The following GSDMB variants were observed in gnomAD, a reference collection of about 807,000 sequenced individuals.
GSDMB encodes the protein gasdermin B.
Under a neutral mutation model 42.9 loss-of-function variants are expected in GSDMB, and 32 were observed. The ratio of observed to expected loss-of-function variants is 0.75; its 90% confidence interval spans 0.56 to 1.00. The LOEUF is 1.00. GSDMB is among the 50% of genes least tolerant of loss of function. The pLI, the probability that GSDMB is intolerant of heterozygous loss-of-function variation, is 0.00. For missense variants in GSDMB, 468 were observed against 498.5 expected, an observed-to-expected ratio of 0.94 and a Z score of 0.58; for synonymous variants, 175 against 193.7, an observed-to-expected ratio of 0.90 and a Z score of 0.80.
At position 39,905,920 on chromosome 17, in the gene GSDMB, G is replaced by T; in HGVS notation, c.954C>A (p.Ser318Arg). The change falls in exon 9 of 11, where the codon AGC becomes AGA. Residue 318 changes from serine (S) to arginine (R), a missense_variant. Ser to Arg is a moderately radical substitution (Grantham distance 110). Transcript: ENST00000418519. ...CCAAGACCCCAGCAGCATTAAAAAG[G>T]CTGCTTAGGAGAGGCTTGTCTGGGT... The part of the protein sequence containing the change: ...MEDPDKPLLS[S>R]LFNAAGVLVE... The T allele has an allele frequency of 6.2e-7, 1 of 1,614,080 alleles. No individual in the cohort carries two copies. Among genetic ancestry groups the T allele is most frequent in the Non-Finnish European group, 8.5e-7 (1 of 1,179,982 alleles).
At chr17:39,917,053 TG>T in intron 2 of GSDMB, 28 bp downstream of exon 2, 1 of 1,479,036 alleles carries the variant, frequency 6.8e-7, no homozygotes, top group Non-Finnish European at 9.5e-7. Context: ...GCCTCCTGGC[TG>T]GCCACCTGTC....
Position 39,909,019 on chromosome 17 carries a change from G to A in GSDMB, c.600C>T (p.Pro200=), listed in dbSNP as rs748229403. ...KHKGQREVTI[P]PNRVLSYRVK... ...CTCGATAGCTCAGGACCCGATTTGG[G>A]GGGATGGTCACTTCCCTTTGGCCCT... The change falls in exon 5 of 11, where the codon CCC becomes CCT. Residue 200 remains proline (P), a synonymous_variant. Transcript: ENST00000418519. The A allele has an allele frequency of 1.2e-6, 2 of 1,601,756 alleles. No homozygotes were observed. Among genetic ancestry groups the A allele is most frequent in the Admixed American group, 1.7e-5 (1 of 57,896 alleles).
chr17:39,910,490 G>A (rs539871089), intron 3 of GSDMB, among the ~76,000 whole-genome samples: 3 of 152,304 alleles, frequency 2.0e-5, no homozygotes, highest in Admixed American at 1.3e-4. Flanking sequence ...TTAGTGACAG[G>A]TTGTGAGTGG....
chr17:39,905,732 GC>G lies in GSDMB; in HGVS notation c.1027+114del, dbSNP rs1210745397. Reference sequence around the variant, plus strand: ...TGGCCTGAGGAAGACATGAAGGAGTGCCCCCCATAAACTGTGAAGAGCAACA... The same window carrying G: ...TGGCCTGAGGAAGACATGAAGGAGTGCCCCCATAAACTGTGAAGAGCAACA... On this transcript the variant is annotated intron_variant, in intron 9 of 10. Transcript: ENST00000418519. The G allele has an allele frequency of 5.1e-6, 6 of 1,184,584 alleles. No individual in the cohort carries two copies. The East Asian group carries it at 7.0e-5, about 14-fold the overall frequency. The allele number at this position is 1,184,584 out of a possible 1,614,324, so 73.4% of individuals were successfully genotyped here. A position where few individuals can be genotyped will look rare whatever the true frequency, so the allele number is the denominator to read the frequency against.
chr17:39,907,065 A>G, intron 6 of GSDMB, 78 bp from the exon 7 acceptor site: 1 of 1,606,488 alleles, frequency 6.2e-7, no homozygotes, highest in Non-Finnish European at 8.5e-7. Context: ...CCAGTGATGG[A>G]AGTTTTTACT....
chr17:39,913,750 C>A (rs986688116), intron 2 of GSDMB, among the ~76,000 whole-genome samples: 2 of 152,178 alleles, frequency 1.3e-5, no homozygotes, highest in Non-Finnish European at 2.9e-5. Flanking sequence ...GGTTCTGAGT[C>A]AGTTGCCACC....
At chr17:39,908,065 T>G in intron 6 of GSDMB, 111 bp downstream of exon 6, 1 of 716,806 alleles carries the variant, frequency 1.4e-6, no homozygotes, top group Non-Finnish European at 2.5e-6. Flanking sequence ...TTCCCACCTG[T>G]GGGTGCGTCT....
At chr17:39,907,505 G>C in intron 6 of GSDMB, 1 of 152,368 alleles carries the variant, frequency 6.6e-6, no homozygotes, top group Non-Finnish European at 1.5e-5. Context: ...GAGTTTGAGA[G>C]CAGCCTGCCA....
Position 39,917,319 on chromosome 17 carries a change from C to A in GSDMB, c.-3G>T. On this transcript the variant is annotated 5_prime_UTR_variant, in exon 2 of 11. Coordinates refer to ENST00000418519, the MANE Select transcript of GSDMB (RefSeq NM_001165958.2). ...ATTTCCTCAAATACGCTGAACATTG[C>A]GCCTGGACCAACTCAGAAACAGAAG... 6.3e-7 allele frequency: 1 copy of A among 1,585,844 alleles called. No individual in the cohort carries two copies. Among genetic ancestry groups the A allele is most frequent in the Non-Finnish European group, 8.7e-7 (1 of 1,154,170 alleles).
chr17:39,905,185 C>A, intron 10 of GSDMB: 1 of 608,932 alleles, frequency 1.6e-6, no homozygotes, highest in Non-Finnish European at 2.9e-6. Context: ...AGCTGCTGTC[C>A]TGGGACTAAC....
chr17:39,912,170 C>A (rs2144698941), intron 3 of GSDMB, among the ~76,000 whole-genome samples, 156 bp downstream of exon 3: 1 of 151,898 alleles, frequency 6.6e-6, no homozygotes, highest in East Asian at 1.9e-4. Flanking sequence ...AGAGGCTGCC[C>A]TAGAGAGCCA....
At position 39,907,901 on chromosome 17, in the gene GSDMB, G is replaced by T. The variant is rs190626785; in HGVS notation, c.700+275C>A. The stretch of plus-strand genomic sequence containing the variant: ...GGAACTGGCCAAGTCATTTAATTGT[G>T]CTTCCTAGGCCAACAAGACTTCAGG... On this transcript the variant is annotated intron_variant, in intron 6 of 10. Coordinates refer to ENST00000418519, the MANE Select transcript of GSDMB (RefSeq NM_001165958.2). Among the ~76,000 whole-genome samples the T allele has an allele frequency of 1.6e-3, 241 of 152,200 alleles. 1 individual carries two copies. The highest frequency in any genetic ancestry group is 6.8e-3 in the Middle Eastern group (2 of 294).
At chr17:39,906,588 C>A in intron 7 of GSDMB, 1 of 1,318,506 alleles carries the variant, frequency 7.6e-7, no homozygotes, top group Non-Finnish European at 9.7e-7. Flanking sequence ...TCAGGCCACA[C>A]TAGAAGTAAT....
chr17:39,914,754 T>G (rs538657578), intron 2 of GSDMB, among the ~76,000 whole-genome samples: 2,819 of 82,490 alleles, frequency 0.034, 45 homozygotes, highest in South Asian at 0.049. Flanking sequence ...AGAGCGACAC[T>G]CCATCTCAAA....
intron 3 of GSDMB, among the ~76,000 whole-genome samples, chr17:39,911,206 C>A (rs1204868978): frequency 6.6e-6 from 1 of 151,674 alleles, no homozygotes; most frequent in East Asian, 1.9e-4. Flanking sequence ...ACCTGTAGTC[C>A]CAGCTCCTCG....
chr17:39,914,888 G>A (rs1197107874), intron 2 of GSDMB, among the ~76,000 whole-genome samples: 1 of 150,044 alleles, frequency 6.7e-6, no homozygotes, highest in Non-Finnish European at 1.5e-5. Context: ...AGGCTGGAGT[G>A]CAGTGGTATA....
intron 10 of GSDMB, 141 bp from the exon 11 acceptor site, chr17:39,905,105 G>A: frequency 1.4e-6 from 1 of 735,942 alleles, no homozygotes; most frequent in Non-Finnish European, 2.3e-6. Context: ...AGAGCCCGGA[G>A]AGCTTCATAC....
chr17:39,907,082 A>G (rs1161636595), intron 6 of GSDMB, 95 bp from the exon 7 acceptor site: 2 of 1,588,460 alleles, frequency 1.3e-6, no homozygotes, highest in South Asian at 1.1e-5. Flanking sequence ...TACTCTTGCA[A>G]TCTGAGCCCT....
intron 4 of GSDMB, 103 bp downstream of exon 4, chr17:39,909,653 G>T (rs547163846): frequency 3.8e-6 from 4 of 1,048,564 alleles, no homozygotes; most frequent in Admixed American, 2.1e-5. Flanking sequence ...CAGCAGGGCT[G>T]CTCGGAGAGG....
Sources: allele counts gnomAD v4.1 joint callset (sites outside exome capture counted in the v4.1 genomes callset), GRCh38; gene constraint gnomAD v4.1.1; transcripts MANE v1.5; gene names NCBI Gene and HGNC (gene_info 2026-07-23, HGNC 2026-07-21).